Variants in PRAG1 observed in about 807,000 individuals in gnomAD.
The protein encoded by PRAG1 is PEAK1 related, kinase-activating pseudokinase 1.
A neutral mutation model predicts 95.6 loss-of-function variants in PRAG1; 110 were observed. That is an observed-to-expected ratio of 1.15 (90% CI 0.99 to 1.35). PRAG1 has a LOEUF of 1.35. PRAG1 is among the 40% of genes most tolerant of loss of function. PRAG1 has a pLI of 0.00. For missense variants in PRAG1, 2,554 were observed against 1,864.7 expected (o/e 1.37, Z -6.81); for synonymous variants, 1,052 against 819.4 (o/e 1.28, Z -4.85).
At chr8:8,325,429 T>A (rs1798604936) in intron 5 of PRAG1, among the ~76,000 whole-genome samples, 1 of 152,222 alleles carries the variant, frequency 6.6e-6, no homozygotes, top group Non-Finnish European at 1.5e-5. Context: ...TTTAGAGGGC[T>A]AAGGCTTATC....
At chr8:8,366,500 G>A (rs1382783848) in intron 3 of PRAG1, among the ~76,000 whole-genome samples, 1 of 151,864 alleles carries the variant, frequency 6.6e-6, no homozygotes, top group Non-Finnish European at 1.5e-5. Flanking sequence ...TTTTAGTAGA[G>A]ACAGGGTTTG....
intron 5 of PRAG1, 26 bp downstream of exon 5, chr8:8,327,684 G>T: frequency 6.3e-7 from 1 of 1,587,088 alleles, no homozygotes; most frequent in African/African-American, 1.3e-5. Context: ...TGGCACAGCA[G>T]AATGCAAGGA....
chr8:8,354,380 C>CA (rs34910024), intron 3 of PRAG1, among the ~76,000 whole-genome samples: 2,773 of 139,020 alleles, frequency 0.02, 66 homozygotes, highest in African/African-American at 0.055. Flanking sequence ...TAAATTCTTC[C>CA]AAAAAAAAAA....
Position 8,319,097 on chromosome 8 carries a change from C to G in PRAG1, c.3278G>C (p.Arg1093Pro). Residue 1093 changes from arginine (R) to proline (P), a missense_variant, in exon 6 of 6, where the codon CGA (arginine) becomes CCA (proline). Arg to Pro is a moderately radical substitution (Grantham distance 103). Transcript: ENST00000615670. Reference protein sequence around the residue: ...QEQDCVVVITREVPHQTASDF... With the variant: ...QEQDCVVVITPEVPHQTASDF... ...GGAGGCGGTCTGATGTGGCACCTCT[C>G]GGGTGATGACCACCACGCAGTCCTG... 1.2e-6 allele frequency: 2 copies of G among 1,609,872 alleles called. No homozygotes were observed. The highest frequency in any genetic ancestry group is 1.7e-6 in the Non-Finnish European group (2 of 1,179,442).
intron 3 of PRAG1, 90 bp from the exon 4 acceptor site, chr8:8,339,725 G>A: frequency 1.5e-6 from 2 of 1,308,950 alleles, no homozygotes; most frequent in Non-Finnish European, 2.1e-6. Context: ...CCATGCTCTT[G>A]AAACCTGGCC....
At chr8:8,343,904 C>A (rs1035131126) in intron 3 of PRAG1, among the ~76,000 whole-genome samples, 1 of 151,924 alleles carries the variant, frequency 6.6e-6, no homozygotes, top group Non-Finnish European at 1.5e-5. Context: ...TTTCTGGTAA[C>A]CACATTTAAA....
chr8:8,319,040 T>C lies in PRAG1; in HGVS notation c.3335A>G (p.Gln1112Arg). 1 of 1,613,000 alleles carries C rather than the reference T, an allele frequency of 6.2e-7. No individual in the cohort carries two copies. The highest frequency in any genetic ancestry group is 8.5e-7 in the Non-Finnish European group (1 of 1,179,808). ...DFVRDSAASH[Q>R]AEPEAYERRV... ...CCGCTCGTACGCCTCGGGCTCCGCC[T>C]GGTGGCTGGCCGCCGAGTCCCGCAC... The change falls in exon 6 of 6, where the codon CAG becomes CGG. Residue 1112 changes from glutamine to arginine, a missense_variant. Gln to Arg is a conservative substitution (Grantham distance 43). Coordinates refer to ENST00000615670, the MANE Select transcript of PRAG1 (RefSeq NM_001080826.3).
intron 5 of PRAG1, among the ~76,000 whole-genome samples, chr8:8,323,593 G>A (rs1798538499): frequency 3.3e-5 from 5 of 152,076 alleles, no homozygotes; most frequent in Admixed American, 3.3e-4. Flanking sequence ...CAAAGTGCTG[G>A]AATTACAGGC....
chr8:8,319,174 G>T lies in PRAG1; in HGVS notation c.3201C>A (p.Asp1067Glu). The change falls in exon 6 of 6, where the codon GAC becomes GAA. Residue 1067 changes from aspartate to glutamate, a missense_variant. By Grantham distance (45) the Asp-to-Glu change is conservative. Transcript: ENST00000615670. ...SVPSSMLSSP[D>E]APKDPVPALP... ...GGGCAGGCACAGGGTCCTTGGGCGCGTCGGGGGAGCTGAGCATGCTGGACG... is the reference window on the plus strand; with the variant it reads ...GGGCAGGCACAGGGTCCTTGGGCGCTTCGGGGGAGCTGAGCATGCTGGACG... 1 of 1,603,592 alleles carries T rather than the reference G, an allele frequency of 6.2e-7. No individual in the cohort carries two copies. Among genetic ancestry groups the T allele is most frequent in the South Asian group, 1.1e-5 (1 of 90,174 alleles).
intron 1 of PRAG1, among the ~76,000 whole-genome samples, chr8:8,383,810 G>A (rs1800761353): frequency 6.6e-6 from 1 of 152,152 alleles, no homozygotes; most frequent in Non-Finnish European, 1.5e-5. Context: ...ACAAGCGGAG[G>A]AAATAGCCAG....
At position 8,377,415 on chromosome 8, in the gene PRAG1, A is replaced by C; in HGVS notation, c.994T>G (p.Ser332Ala). ...CLGPKKLSLTSEAAISSDGLS... is the reference protein window; with the variant it reads ...CLGPKKLSLTAEAAISSDGLS... ...CCGTCGGAAGAAATGGCAGCCTCCG[A>C]GGTGAGGGACAGTTTCTTGGGGCCC... is the stretch of plus-strand genomic sequence containing the variant. The change falls in exon 3 of 6, where the codon TCG (serine) becomes GCG (alanine). Residue 332 changes from serine (S) to alanine (A), a missense_variant. Physicochemically the swap from Ser to Ala is moderately conservative, Grantham distance 99. Coordinates refer to ENST00000615670, the MANE Select transcript of PRAG1 (RefSeq NM_001080826.3). 1.3e-6 allele frequency: 2 copies of C among 1,571,562 alleles called. No homozygotes were observed. Among genetic ancestry groups the C allele is most frequent in the Non-Finnish European group, 1.7e-6 (2 of 1,159,952 alleles).
chr8:8,385,364 A>T (rs1313520600), intron 1 of PRAG1, among the ~76,000 whole-genome samples: 1 of 152,086 alleles, frequency 6.6e-6, no homozygotes, highest in East Asian at 1.9e-4. Context: ...TTCTTCCTCC[A>T]GTGCTGGAGG....
intron 3 of PRAG1, among the ~76,000 whole-genome samples, chr8:8,360,097 C>T (rs1383975630): frequency 6.6e-6 from 1 of 152,048 alleles, no homozygotes; most frequent in East Asian, 1.9e-4. Context: ...GTTTGGGTCC[C>T]ACCTCTAAAT....
intron 4 of PRAG1, among the ~76,000 whole-genome samples, chr8:8,338,761 G>A (rs1799071976): frequency 6.6e-6 from 1 of 152,140 alleles, no homozygotes; most frequent in African/African-American, 2.4e-5. Flanking sequence ...ATTTCCATAG[G>A]ACTGAAAAAG....
chr8:8,324,137 G>GCTGTA (rs763393470), intron 5 of PRAG1, among the ~76,000 whole-genome samples: 1 of 152,214 alleles, frequency 6.6e-6, no homozygotes, highest in Non-Finnish European at 1.5e-5. Flanking sequence ...TGCCATCTCG[G>GCTGTA]CTGTAGCCCT....
intron 3 of PRAG1, among the ~76,000 whole-genome samples, chr8:8,349,484 G>A (rs1799450747): frequency 6.6e-6 from 1 of 151,878 alleles, no homozygotes; most frequent in African/African-American, 2.4e-5. Context: ...GGGTTTCACT[G>A]TGTTAGCCAG....
In PRAG1 at chr8:8,381,398, C is replaced by T. The variant is rs1421807175; in HGVS notation, c.330+20G>A. 6.9e-6 allele frequency: 11 copies of T among 1,586,594 alleles called. No homozygotes were observed. Among genetic ancestry groups the T allele is most frequent in the Admixed American group, 6.9e-5 (4 of 58,242 alleles). ...AGGAGCAGCCCCTGTAAAAATACCA[C>T]GAGTGTTAGTCAGCCTCACCTGCGA... is the stretch of plus-strand genomic sequence containing the variant. On this transcript the variant is annotated intron_variant, in intron 2 of 5. Transcript: ENST00000615670.
intron 1 of PRAG1, among the ~76,000 whole-genome samples, chr8:8,385,476 C>T (rs963931850): frequency 3.5e-4 from 53 of 152,170 alleles, no homozygotes; most frequent in African/African-American, 1.2e-3. Context: ...CTAGGGCTTT[C>T]TGTCAAATTT....
At chr8:8,350,529 C>A (rs1268411933) in intron 3 of PRAG1, among the ~76,000 whole-genome samples, 1 of 152,230 alleles carries the variant, frequency 6.6e-6, no homozygotes, top group African/African-American at 2.4e-5. Flanking sequence ...AAAAGGGCCT[C>A]TCCTACCAGC....
Sources: allele counts gnomAD v4.1 joint callset (sites outside exome capture counted in the v4.1 genomes callset), GRCh38; gene constraint gnomAD v4.1.1; transcripts MANE v1.5; gene names NCBI Gene and HGNC (gene_info 2026-07-23, HGNC 2026-07-21).